Variants in SMARCA4 observed in about 807,000 individuals in gnomAD.
SMARCA4 encodes SWI/SNF-related matrix-associated actin-dependent regulator of chromatin subfamily A member 4.
In SMARCA4, 31 loss-of-function variants were observed where a neutral mutation model predicts 193.9. That is an observed-to-expected ratio of 0.16 (90% CI 0.12 to 0.22). The LOEUF (loss-of-function observed/expected upper bound fraction) is 0.22. Among genes scored for constraint, SMARCA4 ranks in the 10% least tolerant of loss-of-function variants. The pLI, the probability that SMARCA4 is intolerant of heterozygous loss-of-function variation, is 1.00. For synonymous variants in SMARCA4, 942 were observed against 933.1 expected, an observed-to-expected ratio of 1.01 and a Z score of -0.17; for missense variants, 1,148 against 2,296.0, an observed-to-expected ratio of 0.50 and a Z score of 10.22.
chr19:10,966,341 C>T (rs1461940711), intron 1 of SMARCA4, among the ~76,000 whole-genome samples: 6 of 151,518 alleles, frequency 4.0e-5, no homozygotes, highest in Admixed American at 3.9e-4. Context: ...CTGTAATTCC[C>T]ACACTTTGGG....
At chr19:10,969,993 G>C (rs2084550334) in intron 1 of SMARCA4, among the ~76,000 whole-genome samples, 1 of 152,160 alleles carries the variant, frequency 6.6e-6, no homozygotes, top group Non-Finnish European at 1.5e-5. Flanking sequence ...TGCCCTCTGA[G>C]GTATGATATG....
At position 11,033,037 on chromosome 19, in the gene SMARCA4, A is replaced by T. The variant is rs1757713487; in HGVS notation, c.3547-253A>T. On this transcript the variant is annotated intron_variant, in intron 25 of 34. Transcript: ENST00000344626. The surrounding 1 kb of genome is among the most constrained non-coding windows in gnomAD (Gnocchi z 9.8). ...TGGGGGGTTGGTGCTTTCTTCCCGA[A>T]TATCTGTGGGGTCCCAATAAGGTAG... 1.7e-6 allele frequency: 1 copy of T among 581,704 alleles called. No individual in the cohort carries two copies. 36.0% of individuals were successfully genotyped at this position (581,704 alleles called of 1,614,324 possible).
At position 10,989,312 on chromosome 19, in the gene SMARCA4, C is replaced by T. The variant is rs1555756257; in HGVS notation, c.1119-5C>T. The T allele has an allele frequency of 6.2e-7, 1 of 1,613,906 alleles. No homozygotes were observed. Among genetic ancestry groups the T allele is most frequent in the Non-Finnish European group, 8.5e-7 (1 of 1,179,920 alleles). ...ACCGCCTTTGCTCCTTGTCTCTGCT[C>T]CCAGGCTGCAGGCTCGCATCGCACA... On this transcript the variant is annotated splice_region_variant and splice_polypyrimidine_tract_variant and intron_variant, in intron 6 of 34. Coordinates refer to ENST00000344626, the MANE Select transcript of SMARCA4 (RefSeq NM_003072.5).
At chr19:10,966,245 A>C (rs2084209892) in intron 1 of SMARCA4, among the ~76,000 whole-genome samples, 1 of 151,898 alleles carries the variant, frequency 6.6e-6, no homozygotes, top group Admixed American at 6.6e-5. Context: ...CAGCCTCCCA[A>C]AGTGCTGGGA....
At chr19:10,962,292 T>C (rs940435008) in intron 1 of SMARCA4, among the ~76,000 whole-genome samples, 35 of 152,126 alleles carry the variant, frequency 2.3e-4, no homozygotes, top group Admixed American at 2.3e-3. Flanking sequence ...TGGTCCAATC[T>C]CCCTCATTGT....
chr19:11,035,273 G>A (rs1012535383), intron 29 of SMARCA4, 141 bp downstream of exon 29: 8 of 819,786 alleles, frequency 9.8e-6, no homozygotes, highest in African/African-American at 3.4e-5. Flanking sequence ...GCAGGCAGCC[G>A]AGAGCCTTCC....
rs2146777181 is a variant in SMARCA4 at position 11,039,526 on chromosome 19, C to T, written c.4171-1781C>T. The T allele has an allele frequency of 6.2e-7, 1 of 1,602,884 alleles. No individual in the cohort carries two copies. The highest frequency in any genetic ancestry group is 8.5e-7 in the Non-Finnish European group (1 of 1,175,702). On this transcript the variant is annotated intron_variant, in intron 29 of 34. Transcript: ENST00000344626. ...CACGTGGGCTACAATTCCAGCGTGG[C>T]CTTCAGTTCTGCACACGTGCGTCAA...
intron 1 of SMARCA4, among the ~76,000 whole-genome samples, chr19:10,981,319 C>A (rs2085534723): frequency 6.6e-6 from 1 of 152,236 alleles, no homozygotes; most frequent in South Asian, 2.1e-4. Context: ...ATCCTCCCTG[C>A]AGACATACCC....
chr19:11,006,702 G>A (rs778551414), intron 13 of SMARCA4, among the ~76,000 whole-genome samples: 9 of 152,158 alleles, frequency 5.9e-5, no homozygotes, highest in Non-Finnish European at 1.3e-4. Context: ...GAATAGACGT[G>A]TAATGTTCAT....
chr19:10,971,885 C>A (rs969773108), intron 1 of SMARCA4, among the ~76,000 whole-genome samples: 1 of 150,876 alleles, frequency 6.6e-6, no homozygotes, highest in South Asian at 2.1e-4. Context: ...CGGGTTCAAG[C>A]GATTTCAATT....
intron 30 of SMARCA4, among the ~76,000 whole-genome samples, chr19:11,050,329 G>A (rs1208959722): frequency 2.0e-5 from 3 of 152,226 alleles, no homozygotes; most frequent in African/African-American, 7.2e-5. Context: ...CTGCCTGGAG[G>A]CAGCAGCCCT....
chr19:11,026,495 A>AAC, intron 23 of SMARCA4, 149 bp downstream of exon 23: 3 of 587,756 alleles, frequency 5.1e-6, no homozygotes, highest in East Asian at 3.0e-5. Context: ...AATAATACAA[A>AAC]TCTTTTTTTT....
At chr19:10,998,153 TGTGATTATAGGC>T (rs1225619381) in intron 11 of SMARCA4, among the ~76,000 whole-genome samples, 4 of 152,066 alleles carry the variant, frequency 2.6e-5, no homozygotes, top group African/African-American at 9.7e-5. Context: ...TTCCAAAGGC[TGTGATTATAGGC>T]GTGAGCCACC....
intron 30 of SMARCA4, among the ~76,000 whole-genome samples, chr19:11,052,344 T>C (rs1263252811): frequency 1.3e-5 from 2 of 152,110 alleles, no homozygotes; most frequent in Non-Finnish European, 2.9e-5. Flanking sequence ...GAAAATCACG[T>C]GAGCCCAGGA....
At chr19:10,975,938 T>G (rs2145602855) in intron 1 of SMARCA4, among the ~76,000 whole-genome samples, 1 of 152,316 alleles carries the variant, frequency 6.6e-6, no homozygotes, top group East Asian at 1.9e-4. Flanking sequence ...TTCCACACGC[T>G]GTACTAACTA....
intron 1 of SMARCA4, among the ~76,000 whole-genome samples, chr19:10,979,732 G>A (rs1425608027): frequency 6.6e-6 from 1 of 150,972 alleles, no homozygotes; most frequent in Non-Finnish European, 1.5e-5. Flanking sequence ...TATAATATAT[G>A]TATTATAGAC....
At chr19:11,035,544 C>G (rs967300368) in intron 29 of SMARCA4, among the ~76,000 whole-genome samples, 21 of 152,236 alleles carry the variant, frequency 1.4e-4, no homozygotes, top group African/African-American at 4.6e-4. Context: ...TGGCTGCAGG[C>G]AGCCTCACTT....
At position 10,975,807 on chromosome 19, in the gene SMARCA4, C is replaced by T. The variant is rs545126792; in HGVS notation, c.-31-8314C>T. On this transcript the variant is annotated intron_variant, in intron 1 of 34. Coordinates refer to ENST00000344626, the MANE Select transcript of SMARCA4 (RefSeq NM_003072.5). ...CATCTTAGCTTTTAGATTCTTGTGC[C>T]AGAGTAGTTTCACTTCCGGTCATTC... Among the ~76,000 whole-genome samples, 5 of 152,292 alleles carry T rather than the reference C, an allele frequency of 3.3e-5. No homozygotes were observed. The South Asian group carries it at 1.0e-3, about 32-fold the overall frequency.
intron 1 of SMARCA4, among the ~76,000 whole-genome samples, chr19:10,970,264 T>A (rs565408923): frequency 6.6e-4 from 101 of 152,262 alleles, no homozygotes; most frequent in African/African-American, 2.3e-3. Context: ...AAACCATTAA[T>A]GGGAAGTGAA....
Sources: gnomAD v4.1 joint callset for allele counts (sites outside exome capture counted in the v4.1 genomes callset) on GRCh38, gnomAD v4.1.1 for gene constraint, Gnocchi (gnomAD v3.1) non-coding constraint, MANE v1.5 for transcripts, NCBI Gene and HGNC (gene_info 2026-07-23, HGNC 2026-07-21) for gene names.